Variants in RIC3 observed in about 807,000 individuals in gnomAD.
RIC3 encodes the protein protein RIC-3.
RIC3 carries 28 observed loss-of-function variants against 27.3 expected under a neutral mutation model. That is an observed-to-expected ratio of 1.02 (90% CI 0.76 to 1.41). RIC3 has a LOEUF of 1.41. Ranked by LOEUF, RIC3 falls within the 40% of genes most tolerant of loss-of-function variation. The pLI is 0.00. For synonymous variants in RIC3, 184 were observed against 160.4 expected (o/e 1.15, Z -1.11); for missense variants, 501 against 444.7 (o/e 1.13, Z -1.14).
intron 1 of RIC3, among the ~76,000 whole-genome samples, chr11:8,145,559 A>G (rs542063232): frequency 1.3e-5 from 2 of 152,206 alleles, no homozygotes; most frequent in Non-Finnish European, 2.9e-5. Context: ...ATAGCTGAAC[A>G]GACAGGATGG....
the RIC3 span, among the ~76,000 whole-genome samples, chr11:8,095,927 T>C: frequency 6.6e-6 from 1 of 152,196 alleles, no homozygotes; most frequent in Non-Finnish European, 1.5e-5. Context: ...TTCCCATATG[T>C]TTGCTGAGCT....
At chr11:8,097,597 G>A in the RIC3 span, 1 of 1,275,028 alleles carries the variant, frequency 7.8e-7, no homozygotes, top group Non-Finnish European at 1.1e-6. Flanking sequence ...ATTTGTGTGT[G>A]TGCACATATG....
Position 8,168,856 on chromosome 11 carries a change from C to A in RIC3, c.124+10G>T, listed in dbSNP as rs1376016281. ...GCCGGGAAGCTCAGAGGGAGCTGGC[C>A]TGCTCTTACCTTCAGGTGTCGGCGG... On this transcript the variant is annotated intron_variant, in intron 1 of 5. Transcript: ENST00000309737. The A allele has an allele frequency of 2.5e-6, 4 of 1,610,902 alleles. No individual in the cohort carries two copies. The South Asian group carries it at 4.4e-5, about 18-fold the overall frequency.
the RIC3 span, chr11:8,097,892 A>G: frequency 3.1e-6 from 4 of 1,271,252 alleles, no homozygotes; most frequent in Admixed American, 7.1e-5. Context: ...CTGTCTGTAG[A>G]GGGCCTGAAT....
rs772490523 is a variant in RIC3, at chr11:8,124,083, GAAAGAA to G, written c.670+2570_670+2575del. ...GACCCTGAAAAAAAAAAGAAAGAAA[GAAAGAA>G]AAAGAAAAAGAAAAAGAGAAAGCAA... is the stretch of plus-strand genomic sequence containing the variant. On this transcript the variant is annotated intron_variant, in intron 5 of 5. Coordinates refer to ENST00000309737, the MANE Select transcript of RIC3 (RefSeq NM_001206671.4). 3.9e-3 allele frequency among the ~76,000 whole-genome samples: 575 copies of G among 148,086 alleles called. 5 individuals carry two copies. Among genetic ancestry groups the G allele is most frequent in the African/African-American group, 0.011 (441 of 40,356 alleles).
downstream of RIC3, chr11:8,105,360 G>A (rs1346201113): frequency 6.6e-6 from 1 of 152,150 alleles, no homozygotes; most frequent in South Asian, 2.1e-4. Context: ...CCTGGGCTCT[G>A]GTCTGTAGGT....
chr11:8,113,717 C>T (rs77576658), intron 5 of RIC3, among the ~76,000 whole-genome samples: 2,609 of 152,270 alleles, frequency 0.017, 81 homozygotes, highest in African/African-American at 0.059. Context: ...GCCCTCAGAA[C>T]CCCAGGACTG....
intron 2 of RIC3, 74 bp from the exon 3 acceptor site, chr11:8,138,421 A>G: frequency 1.2e-6 from 1 of 854,748 alleles, no homozygotes; most frequent in Non-Finnish European, 1.8e-6. Context: ...ATATCAAACA[A>G]AAAAAAAAGG....
At chr11:8,155,917 G>C (rs536616578) in intron 1 of RIC3, among the ~76,000 whole-genome samples, 4 of 152,280 alleles carry the variant, frequency 2.6e-5, no homozygotes, top group African/African-American at 9.6e-5. Context: ...GACAATAGCT[G>C]TTTCTTCCTC....
intron 5 of RIC3, among the ~76,000 whole-genome samples, chr11:8,115,651 T>C (rs1353901313): frequency 2.0e-5 from 3 of 152,070 alleles, no homozygotes; most frequent in African/African-American, 4.8e-5. Flanking sequence ...CTACTAAAAA[T>C]ACAAAATTAG....
At chr11:8,128,584 T>G (rs1947270491) in intron 4 of RIC3, among the ~76,000 whole-genome samples, 1 of 152,126 alleles carries the variant, frequency 6.6e-6, no homozygotes, top group South Asian at 2.1e-4. Context: ...TAGAGGGCAG[T>G]AATAATTAAG....
At chr11:8,143,125 G>A (rs1949255751) in intron 1 of RIC3, among the ~76,000 whole-genome samples, 1 of 123,384 alleles carries the variant, frequency 8.1e-6, no homozygotes. Context: ...CACAAGACAG[G>A]GATGCCCTCT....
intron 1 of RIC3, among the ~76,000 whole-genome samples, chr11:8,163,065 ACACC>A (rs768150010): frequency 0.029 from 4,193 of 142,816 alleles, 88 homozygotes; most frequent in Admixed American, 0.046. Flanking sequence ...ACACACACAC[ACACC>A]CCCCAAAACA....
At chr11:8,128,491 G>T in intron 4 of RIC3, 2 of 337,554 alleles carry the variant, frequency 5.9e-6, no homozygotes, top group Non-Finnish European at 5.8e-6. Flanking sequence ...CATTAATCAT[G>T]GTCTACCTTA....
intron 4 of RIC3, chr11:8,128,338 A>G: frequency 4.4e-6 from 2 of 452,928 alleles, no homozygotes; most frequent in Non-Finnish European, 8.9e-6. Flanking sequence ...AGTCATGGGA[A>G]ATCAGAAGCC....
intron 2 of RIC3, chr11:8,138,705 C>T (rs894254440): frequency 2.1e-5 from 5 of 238,122 alleles, no homozygotes; most frequent in African/African-American, 1.1e-4. Context: ...TTCTTAGCTC[C>T]CACAGTTTAG....
chr11:8,134,461 T>A (rs1282001041), intron 4 of RIC3, among the ~76,000 whole-genome samples: 1 of 152,232 alleles, frequency 6.6e-6, no homozygotes, highest in Non-Finnish European at 1.5e-5. Context: ...AACATATGTG[T>A]GCATGTGTCT....
chr11:8,156,895 G>C (rs572586433), intron 1 of RIC3, among the ~76,000 whole-genome samples: 7 of 152,202 alleles, frequency 4.6e-5, no homozygotes, highest in African/African-American at 1.7e-4. Flanking sequence ...AATGAACCGG[G>C]AAACAAAAAC....
the RIC3 span, chr11:8,100,438 C>T: frequency 8.7e-5 from 112 of 1,280,216 alleles, no homozygotes; most frequent in South Asian, 1.3e-3. Flanking sequence ...TATTCCCGTC[C>T]CCCCCACCTT....
Sources: allele counts gnomAD v4.1 joint callset (sites outside exome capture counted in the v4.1 genomes callset), GRCh38; gene constraint gnomAD v4.1.1; transcripts MANE v1.5; gene names NCBI Gene and HGNC (gene_info 2026-07-23, HGNC 2026-07-21).